The following NTRK3 variants were observed in gnomAD, a reference collection of about 807,000 sequenced individuals.
NTRK3 encodes neurotrophic receptor tyrosine kinase 3, also known as NT-3 growth factor receptor.
Under a neutral mutation model 91.7 loss-of-function variants are expected in NTRK3, and 24 were observed. The ratio of observed to expected loss-of-function variants is 0.26; its 90% CI spans 0.19 to 0.37. NTRK3 has a LOEUF of 0.37. NTRK3 is among the 10% of genes least tolerant of loss of function. The pLI, the probability that NTRK3 is intolerant of heterozygous loss-of-function variation, is 1.00. For missense variants in NTRK3, 880 were observed against 1,068.9 expected, an observed-to-expected ratio of 0.82 and a Z score of 2.46; for synonymous variants, 483 against 404.0, an observed-to-expected ratio of 1.20 and a Z score of -2.34.
chr15:88,111,116 G>C (rs558714418), intron 13 of NTRK3, among the ~76,000 whole-genome samples: 1 of 152,208 alleles, frequency 6.6e-6, no homozygotes, highest in Non-Finnish European at 1.5e-5. Flanking sequence ...GATGATGAGC[G>C]ATGGGGTGGG....
chr15:87,877,051 C>T (rs769635482), exon 19 of NTRK3: 3 of 1,613,978 alleles, frequency 1.9e-6, no homozygotes, highest in Non-Finnish European at 2.5e-6. Flanking sequence ...CCCAGCATGA[C>T]ATCGTACACC....
chr15:88,059,742 TTA>T (rs576974642), intron 13 of NTRK3, among the ~76,000 whole-genome samples: 172 of 152,196 alleles, frequency 1.1e-3, no homozygotes, highest in Non-Finnish European at 2.3e-3. Context: ...CCCCTAAAAT[TTA>T]TATGTTAATG....
chr15:88,137,575 G>C lies in NTRK3; in HGVS notation c.465-14C>G, dbSNP rs1289385293. On this transcript the variant is annotated splice_polypyrimidine_tract_variant and intron_variant, in intron 6 of 18. Transcript: ENST00000394480. ...TGCTCCAACTGCCTGTCGGCAAAGA[G>C]AGAGGGGAAGGGAACCTCTGAACCG... The C allele has an allele frequency of 6.2e-7, 1 of 1,612,988 alleles. No homozygotes were observed. The highest frequency in any genetic ancestry group is 8.5e-7 in the Non-Finnish European group (1 of 1,179,658).
Position 87,930,724 on chromosome 15 carries a change from C to T in NTRK3, c.1890-1290G>A, listed in dbSNP as rs758536585. ...CGGCCTGTTGCTAAGAGCTTCTGGT[C>T]TCAGAGAATTCTTTAGAAGGTCACC... On this transcript the variant is annotated intron_variant, in intron 16 of 18. Coordinates refer to ENST00000394480, the Ensembl canonical transcript of NTRK3. Among the ~76,000 whole-genome samples the T allele has an allele frequency of 3.5e-4, 54 of 152,314 alleles. 1 individual carries two copies. Among genetic ancestry groups the T allele is most frequent in the Non-Finnish European group, 4.7e-4 (32 of 68,028 alleles).
At chr15:87,952,334 T>G (rs2071209418) in intron 14 of NTRK3, among the ~76,000 whole-genome samples, 1 of 152,166 alleles carries the variant, frequency 6.6e-6, no homozygotes, top group Non-Finnish European at 1.5e-5. Context: ...TAAAATCCAG[T>G]CTAGTCGTGA....
At chr15:88,019,400 C>G (rs972787150) in intron 14 of NTRK3, among the ~76,000 whole-genome samples, 11 of 152,198 alleles carry the variant, frequency 7.2e-5, no homozygotes, top group African/African-American at 2.4e-4. Flanking sequence ...CCCTGTGATT[C>G]TATGGAGACA....
intron 3 of NTRK3, among the ~76,000 whole-genome samples, chr15:88,221,497 A>G (rs1023812726): frequency 6.6e-6 from 1 of 152,224 alleles, no homozygotes; most frequent in African/African-American, 2.4e-5. Context: ...TACTTTTTCA[A>G]CAAGGAGTTT....
At chr15:88,211,176 C>T (rs2049215154) in intron 3 of NTRK3, among the ~76,000 whole-genome samples, 1 of 152,202 alleles carries the variant, frequency 6.6e-6, no homozygotes, top group Non-Finnish European at 1.5e-5. Context: ...TGAGCAGTCA[C>T]ACTCCCCTTT....
chr15:88,189,913 C>T (rs941311618), intron 3 of NTRK3, among the ~76,000 whole-genome samples: 2 of 152,082 alleles, frequency 1.3e-5, no homozygotes, highest in African/African-American at 4.8e-5. Flanking sequence ...GTTGTTTCTA[C>T]CTTCAATATT....
At position 87,954,079 on chromosome 15, in the gene NTRK3, T is replaced by C. The variant is rs559026683; in HGVS notation, c.1586-13326A>G. Among the ~76,000 whole-genome samples, 21 of 151,134 alleles carry C rather than the reference T, an allele frequency of 1.4e-4. 1 individual carries two copies. In the East Asian group the frequency reaches 3.9e-3, roughly 28 times the overall value. ...GTGTGTATGCTTTTTTTCTCTGAAA[T>C]AGATCTTTATTGTAGGCTCTGTGGG... On this transcript the variant is annotated intron_variant, in intron 14 of 18. Transcript: ENST00000394480.
At chr15:88,248,402 T>C (rs2053042954) in intron 3 of NTRK3, among the ~76,000 whole-genome samples, 4 of 152,230 alleles carry the variant, frequency 2.6e-5, no homozygotes, top group Admixed American at 2.6e-4. Context: ...GCCTTCCCCT[T>C]ATATCCCAGC....
chr15:88,025,738 G>A (rs557661079), intron 14 of NTRK3, among the ~76,000 whole-genome samples: 2 of 152,244 alleles, frequency 1.3e-5, no homozygotes, highest in South Asian at 4.1e-4. Context: ...CTGTTGTTTG[G>A]GGCCACCCAA....
At chr15:87,865,816 A>G (rs1002103900) in exon 19 of NTRK3, 1 of 228,818 alleles carries the variant, frequency 4.4e-6, no homozygotes, top group Non-Finnish European at 8.7e-6. Context: ...AGCCAAATAG[A>G]TAAAGAATCC....
At chr15:88,024,368 G>A (rs1480029866) in intron 14 of NTRK3, among the ~76,000 whole-genome samples, 1 of 152,218 alleles carries the variant, frequency 6.6e-6, no homozygotes, top group African/African-American at 2.4e-5. Context: ...TGTAGCTAAA[G>A]AGGGGTAAGA....
intron 3 of NTRK3, among the ~76,000 whole-genome samples, chr15:88,227,726 C>T (rs1393491645): frequency 3.9e-5 from 6 of 152,254 alleles, no homozygotes; most frequent in African/African-American, 1.2e-4. Context: ...GGTAACCAAA[C>T]CCTCAGGGGA....
At chr15:87,966,701 G>T (rs1000457838) in intron 14 of NTRK3, among the ~76,000 whole-genome samples, 4 of 152,190 alleles carry the variant, frequency 2.6e-5, no homozygotes, top group Non-Finnish European at 5.9e-5. Flanking sequence ...AGAGCTGTTT[G>T]GGTAAGGAAT....
chr15:87,870,905 G>A (rs866685024), exon 19 of NTRK3: 10 of 228,850 alleles, frequency 4.4e-5, no homozygotes, highest in Middle Eastern at 2.7e-3. Context: ...TCACGACACT[G>A]AACAAAAAGC....
intron 16 of NTRK3, chr15:87,931,073 T>C: frequency 2.8e-6 from 1 of 361,568 alleles, no homozygotes; most frequent in Non-Finnish European, 5.4e-6. Flanking sequence ...TCTTTTCTTC[T>C]TACTTTCTGC....
intron 13 of NTRK3, among the ~76,000 whole-genome samples, chr15:88,118,912 A>G (rs964937590): frequency 1.3e-5 from 2 of 152,234 alleles, no homozygotes; most frequent in African/African-American, 2.4e-5. Context: ...CTGAGATGCC[A>G]TCACTTCGGC....
Sources: allele counts gnomAD v4.1 joint callset (sites outside exome capture counted in the v4.1 genomes callset), GRCh38; gene constraint gnomAD v4.1.1; transcripts MANE v1.5; gene names NCBI Gene and HGNC (gene_info 2026-07-23, HGNC 2026-07-21).